SDK2: variants seen among roughly 807,000 people sequenced by gnomAD.
SDK2 encodes protein sidekick-2.
SDK2 carries 105 observed loss-of-function variants against 253.9 expected under a neutral mutation model. The observed-to-expected ratio is 0.41, with a 90% CI of 0.35 to 0.49. The LOEUF (loss-of-function observed/expected upper bound fraction) is 0.49. Among genes scored for constraint, SDK2 ranks in the 20% least tolerant of loss-of-function variants. The pLI is 0.06. For synonymous variants in SDK2, 1,249 were observed against 1,234.9 expected, an observed-to-expected ratio of 1.01 and a Z score of -0.24; for missense variants, 2,608 against 3,003.0, an observed-to-expected ratio of 0.87 and a Z score of 3.07.
At chr17:73,636,515 C>G (rs1450592970) in intron 1 of SDK2, among the ~76,000 whole-genome samples, 1 of 151,562 alleles carries the variant, frequency 6.6e-6, no homozygotes, top group East Asian at 1.9e-4. Context: ...TGGTGAAACC[C>G]TGTGCCTACT....
At position 73,424,056 on chromosome 17, in the gene SDK2, C is replaced by T. The variant is rs201431110; in HGVS notation, c.1620G>A (p.Thr540=). Residue 540 remains threonine, a synonymous_variant, in exon 13 of 45, where the codon ACG becomes ACA. Coordinates refer to ENST00000392650, the MANE Select transcript of SDK2 (RefSeq NM_001144952.2). ...IWEKDGATLG[T]ESHPRIRLDR... is the part of the protein sequence containing the mutation. ...CCAGGCGGATACGAGGATGGCTCTC[C>T]GTGCCCAGGGTGGCCCCGTCCTTCT... is the stretch of plus-strand genomic sequence containing the variant. The T allele has an allele frequency of 3.9e-5, 63 of 1,612,818 alleles. No homozygotes were observed. In the Middle Eastern group the frequency reaches 4.9e-4, roughly 13 times the overall value.
chr17:73,445,153 C>T (rs541933595), intron 5 of SDK2, among the ~76,000 whole-genome samples: 108 of 152,034 alleles, frequency 7.1e-4, no homozygotes, highest in Non-Finnish European at 5.4e-4. Flanking sequence ...GTGATATAAG[C>T]GTAAAATACA....
chr17:73,523,080 G>A (rs1382052367), intron 1 of SDK2, among the ~76,000 whole-genome samples: 1 of 152,208 alleles, frequency 6.6e-6, no homozygotes, highest in Non-Finnish European at 1.5e-5. Context: ...ACGCAGAAGA[G>A]ACCAAGGGAG....
intron 1 of SDK2, among the ~76,000 whole-genome samples, chr17:73,605,096 C>T (rs1356597525): frequency 6.6e-6 from 1 of 152,168 alleles, no homozygotes; most frequent in Non-Finnish European, 1.5e-5. Context: ...CTCTGGTTTA[C>T]CAACATGGAG....
At chr17:73,569,602 C>A (rs552843918) in intron 1 of SDK2, among the ~76,000 whole-genome samples, 23 of 150,776 alleles carry the variant, frequency 1.5e-4, no homozygotes, top group Non-Finnish European at 2.9e-4. Flanking sequence ...CCACCCCCAA[C>A]GAATTAAATC....
At chr17:73,519,426 T>C in intron 1 of SDK2, 1 of 152,424 alleles carries the variant, frequency 6.6e-6, no homozygotes, top group Non-Finnish European at 1.5e-5. Flanking sequence ...GGGCTTGACC[T>C]CACCACCCCC....
chr17:73,566,490 TGAAA>T (rs1368616259), intron 1 of SDK2, among the ~76,000 whole-genome samples: 2 of 152,142 alleles, frequency 1.3e-5, no homozygotes, highest in Non-Finnish European at 2.9e-5. Flanking sequence ...GAACAAAGGT[TGAAA>T]GAGTTTGGTG....
At position 73,334,584 on chromosome 17, in the gene SDK2, G is replaced by A. The variant is rs939478453; in HGVS notation, c.*4003C>T. On this transcript the variant is annotated 3_prime_UTR_variant, in exon 45 of 45. Transcript: ENST00000392650. ...ATGAATACTCTCCCCATAATTTTTT[G>A]TTATATCTTTTAAATCAAAAAATAA... 10 of 152,128 alleles carry A rather than the reference G, an allele frequency of 6.6e-5. No homozygotes were observed. Among genetic ancestry groups the A allele is most frequent in the African/African-American group, 2.2e-4 (9 of 41,498 alleles). 9.4% of individuals were successfully genotyped at this position (152,128 alleles called of 1,614,324 possible).
At chr17:73,526,359 C>T (rs2064125558) in intron 1 of SDK2, among the ~76,000 whole-genome samples, 2 of 152,128 alleles carry the variant, frequency 1.3e-5, no homozygotes, top group South Asian at 4.1e-4. Flanking sequence ...CCAATTAGGA[C>T]CTGCATGACC....
intron 44 of SDK2, among the ~76,000 whole-genome samples, chr17:73,344,661 C>T (rs780885060): frequency 1.2e-4 from 18 of 152,230 alleles, no homozygotes; most frequent in South Asian, 2.1e-4. Context: ...TGCCTCTCCC[C>T]GGCCTGTCTC....
In SDK2 at chr17:73,461,112, T is replaced by G. The variant is rs79320482; in HGVS notation, c.332-5059A>C. Among the ~76,000 whole-genome samples the G allele has an allele frequency of 2.1e-3, 313 of 152,336 alleles. 2 individuals are homozygous for G. The highest frequency in any genetic ancestry group is 7.4e-3 in the African/African-American group (309 of 41,564). The stretch of plus-strand genomic sequence containing the variant: ...CTGCATTGCAATCCTGCATACACAT[T>G]CTTTATCTCTTTCTATAGATGCTAA... On this transcript the variant is annotated intron_variant, in intron 3 of 44. Coordinates refer to ENST00000392650, the MANE Select transcript of SDK2 (RefSeq NM_001144952.2).
At chr17:73,536,229 T>A (rs553647469) in intron 1 of SDK2, among the ~76,000 whole-genome samples, 1 of 152,316 alleles carries the variant, frequency 6.6e-6, no homozygotes, top group Non-Finnish European at 1.5e-5. Flanking sequence ...TCTCAGGTGA[T>A]GCTGCTGCCC....
chr17:73,608,830 T>C (rs2045939268), intron 1 of SDK2, among the ~76,000 whole-genome samples: 1 of 152,142 alleles, frequency 6.6e-6, no homozygotes, highest in Non-Finnish European at 1.5e-5. Context: ...ATGTCTATTT[T>C]TAAAGGATCA....
In SDK2 at chr17:73,455,917, G is replaced by A. The variant is rs2063522604; in HGVS notation, c.468C>T (p.Pro156=). Reference sequence around the variant, plus strand: ...AGCGATGCACTCACATGCGGCTGCTGGGCGGGATCTTGCGGCCGTCCCGGA... The same window carrying A: ...AGCGATGCACTCACATGCGGCTGCTAGGCGGGATCTTGCGGCCGTCCCGGA... ...TWFRDGRKIP[P]SSRIAITLEN... Residue 156 remains proline (P), a synonymous_variant, in exon 4 of 45, where the codon CCC becomes CCT. Transcript: ENST00000392650. This position sits in a 1 kb window ranked among gnomAD's most constrained non-coding sequence, Gnocchi z 5.0. 1.9e-6 allele frequency: 3 copies of A among 1,543,744 alleles called. No individual in the cohort carries two copies. The highest frequency in any genetic ancestry group is 2.6e-6 in the Non-Finnish European group (3 of 1,146,368).
At position 73,395,425 on chromosome 17, in the gene SDK2, G is replaced by A. The variant is rs370737930; in HGVS notation, c.3355-33C>T. Reference sequence around the variant, plus strand: ...GGGGCAGGGGTGGCAAAGCTGCTATGAGCCAGGCCCCCCACTGTGCAGGGA... The same window carrying A: ...GGGGCAGGGGTGGCAAAGCTGCTATAAGCCAGGCCCCCCACTGTGCAGGGA... On this transcript the variant is annotated intron_variant, in intron 24 of 44. Transcript: ENST00000392650. The surrounding 1 kb of genome is among the most constrained non-coding windows in gnomAD (Gnocchi z 4.3). The A allele has an allele frequency of 5.0e-5, 78 of 1,574,444 alleles. No individual in the cohort carries two copies. In the African/African-American group the frequency reaches 9.3e-4, roughly 19 times the overall value.
intron 1 of SDK2, among the ~76,000 whole-genome samples, chr17:73,545,921 G>A: frequency 6.6e-6 from 1 of 152,170 alleles, no homozygotes; most frequent in East Asian, 1.9e-4. Flanking sequence ...CAAGTTAGGA[G>A]GTGGCCAGGG....
rs2062816863 is a variant in SDK2, at chr17:73,379,895, C to T, written c.4763-346G>A. 6.6e-6 allele frequency among the ~76,000 whole-genome samples: 1 copy of T among 152,128 alleles called. No homozygotes were observed. Among genetic ancestry groups the T allele is most frequent in the Non-Finnish European group, 1.5e-5 (1 of 68,022 alleles). On this transcript the variant is annotated intron_variant, in intron 34 of 44. Coordinates refer to ENST00000392650, the MANE Select transcript of SDK2 (RefSeq NM_001144952.2). This position sits in a 1 kb window ranked among gnomAD's most constrained non-coding sequence, Gnocchi z 4.5. The stretch of plus-strand genomic sequence containing the variant: ...GGCATGCCTGGACATAGGGTCACCC[C>T]CTACCCCCAGCCTGTCCTCTTTCCC...
At position 73,386,509 on chromosome 17, in the gene SDK2, C is replaced by T. The variant is rs148565589; in HGVS notation, c.4434G>A (p.Ala1478=). ...ACTCGCTGTCGCCAATGTCATTGGT[C>T]GCCTTCACTCGGAACTTGTAGGACG... ...PFTSYKFRVK[A]TNDIGDSEFS... The change falls in exon 31 of 45, where the codon GCG becomes GCA. Residue 1478 remains alanine (A), a synonymous_variant. Transcript: ENST00000392650. The T allele has an allele frequency of 1.3e-4, 210 of 1,560,786 alleles. No individual in the cohort carries two copies. The highest frequency in any genetic ancestry group is 1.7e-4 in the Non-Finnish European group (199 of 1,152,310).
intron 1 of SDK2, among the ~76,000 whole-genome samples, chr17:73,524,169 T>C (rs1478284533): frequency 2.0e-5 from 3 of 152,168 alleles, no homozygotes; most frequent in Non-Finnish European, 2.9e-5. Context: ...TGCTCTGCAG[T>C]TGGGCCTGAG....
Sources: gnomAD v4.1 joint callset for allele counts (sites outside exome capture counted in the v4.1 genomes callset) on GRCh38, gnomAD v4.1.1 for gene constraint, Gnocchi (gnomAD v3.1) non-coding constraint, MANE v1.5 for transcripts, NCBI Gene and HGNC (gene_info 2026-07-23, HGNC 2026-07-21) for gene names.